Variants in MROH1 observed in about 807,000 individuals in gnomAD.
The protein encoded by MROH1 is maestro heat-like repeat-containing protein family member 1.
A neutral mutation model predicts 116.5 loss-of-function variants in MROH1; 117 were observed. The ratio of observed to expected loss-of-function variants is 1.00; its 90% CI spans 0.86 to 1.17. The LOEUF is 1.17. Ranked by LOEUF, MROH1 falls within the 50% of genes most tolerant of loss-of-function variation. The pLI is 0.00. For missense variants in MROH1, 1,873 were observed against 1,338.5 expected (o/e 1.40, Z -6.23); for synonymous variants, 921 against 583.9 (o/e 1.58, Z -8.32).
At chr8:144,258,626 G>C in intron 35 of MROH1, 151 bp from the exon 36 acceptor site, 1 of 656,958 alleles carries the variant, frequency 1.5e-6, no homozygotes, top group South Asian at 1.7e-5. Flanking sequence ...CTAGCAGATG[G>C]CCCAGAGCCT....
chr8:144,202,657 G>A, intron 12 of MROH1, among the ~76,000 whole-genome samples: 1 of 143,246 alleles, frequency 7.0e-6, no homozygotes, highest in African/African-American at 2.6e-5. Context: ...CTGTGGAGAG[G>A]CGGGGAGGGG....
chr8:144,148,673 G>T (rs1815998515), intron 1 of MROH1: 2 of 152,832 alleles, frequency 1.3e-5, no homozygotes, highest in Non-Finnish European at 2.9e-5. Flanking sequence ...CGGGCATAGC[G>T]CTGGCAGGGC....
chr8:144,169,167 G>A (rs1010031701), intron 4 of MROH1, among the ~76,000 whole-genome samples: 1 of 152,240 alleles, frequency 6.6e-6, no homozygotes, highest in Non-Finnish European at 1.5e-5. Flanking sequence ...TTCTCTGTGT[G>A]TGTGGTTTGG....
rs1279416533 is a variant in MROH1 at position 144,163,131 on chromosome 8, G to T, written c.-56-640G>T. On this transcript the variant is annotated intron_variant, in intron 2 of 43. Coordinates refer to ENST00000326134, the MANE Select transcript of MROH1 (RefSeq NM_032450.3). The surrounding 1 kb of genome is among the most constrained non-coding windows in gnomAD (Gnocchi z 4.4). ...GGTGTCTCTCCTTCATTTTTCTCTG[G>T]AGTATGTTAGCAAGGAATGGTGGAT... is the stretch of plus-strand genomic sequence containing the variant. Among the ~76,000 whole-genome samples the T allele has an allele frequency of 1.3e-5, 2 of 152,160 alleles. No individual in the cohort carries two copies. The highest frequency in any genetic ancestry group is 4.8e-5 in the African/African-American group (2 of 41,430).
chr8:144,236,028 C>T (rs1260811923), intron 14 of MROH1, among the ~76,000 whole-genome samples: 3 of 152,224 alleles, frequency 2.0e-5, no homozygotes, highest in East Asian at 3.8e-4. Flanking sequence ...TGCACTTCCT[C>T]GGTCATCCCA....
intron 4 of MROH1, among the ~76,000 whole-genome samples, chr8:144,171,502 G>A (rs1156594992): frequency 1.3e-5 from 2 of 152,152 alleles, no homozygotes; most frequent in East Asian, 3.9e-4. Flanking sequence ...GCTCACTTGA[G>A]GCATTCTTCC....
At chr8:144,154,282 G>A (rs1180155033) in intron 1 of MROH1, among the ~76,000 whole-genome samples, 1 of 152,088 alleles carries the variant, frequency 6.6e-6, no homozygotes, top group African/African-American at 2.4e-5. Flanking sequence ...TGGTCAGGCT[G>A]GTCTCAAACT....
At chr8:144,239,787 C>T in intron 18 of MROH1, 32 bp downstream of exon 18, 1 of 715,922 alleles carries the variant, frequency 1.4e-6, no homozygotes, top group Admixed American at 2.0e-5. Flanking sequence ...GGTGCATAGC[C>T]CTGTGGGGAG....
At chr8:144,198,092 C>T (rs1457889321) in intron 10 of MROH1, among the ~76,000 whole-genome samples, 1 of 151,760 alleles carries the variant, frequency 6.6e-6, no homozygotes, top group Admixed American at 6.6e-5. Context: ...CAAGGAGCTA[C>T]CTGGGAACGT....
intron 10 of MROH1, 106 bp downstream of exon 10, chr8:144,192,507 C>A (rs1446206056): frequency 5.3e-6 from 5 of 946,376 alleles, no homozygotes; most frequent in Non-Finnish European, 8.2e-6. Flanking sequence ...GGCTCAGCCA[C>A]GTGGGGCTGA....
chr8:144,207,660 C>T (rs2132026831), intron 12 of MROH1, among the ~76,000 whole-genome samples: 1 of 152,268 alleles, frequency 6.6e-6, no homozygotes, highest in South Asian at 2.1e-4. Context: ...AGTGCACTAC[C>T]ATGCCCAGCT....
At chr8:144,211,847 C>T (rs971855025) in intron 12 of MROH1, among the ~76,000 whole-genome samples, 6 of 152,078 alleles carry the variant, frequency 3.9e-5, no homozygotes, top group African/African-American at 1.4e-4. Context: ...TTTGGAAGGA[C>T]GCATTTGATG....
rs1350623881 is a variant in MROH1 at position 144,260,315 on chromosome 8, T to G, written c.4321T>G (p.Trp1441Gly). 2.4e-5 allele frequency: 18 copies of G among 747,638 alleles called. No individual in the cohort carries two copies. The highest frequency in any genetic ancestry group is 3.4e-5 in the Non-Finnish European group (14 of 407,780). The allele number at this position is 747,638 out of a possible 1,614,324, so 46.3% of individuals were successfully genotyped here. Reference sequence around the variant, plus strand: ...GAGGCTGGTGCACCTGGTGGAGTCCTGGGACCTGCGCTCAGGGCTGCTGCA... The same window carrying G: ...GAGGCTGGTGCACCTGGTGGAGTCCGGGGACCTGCGCTCAGGGCTGCTGCA... Reference protein sequence around the residue: ...LARLVHLVESWDLRSGLLHVA... With the variant: ...LARLVHLVESGDLRSGLLHVA... The change falls in exon 39 of 44, where the codon TGG (tryptophan) becomes GGG (glycine). Residue 1441 changes from tryptophan to glycine, a missense_variant. Physicochemically the swap from Trp to Gly is radical, Grantham distance 184 (BLOSUM62 -2). Coordinates refer to ENST00000326134, the MANE Select transcript of MROH1 (RefSeq NM_032450.3).
At chr8:144,216,127 C>G (rs1335458472) in intron 12 of MROH1, among the ~76,000 whole-genome samples, 1 of 151,394 alleles carries the variant, frequency 6.6e-6, no homozygotes, top group African/African-American at 2.4e-5. Flanking sequence ...TGCAGTGAGC[C>G]AAGATTGCAC....
At chr8:144,160,446 CTACAA>C (rs1306563463) in intron 1 of MROH1, among the ~76,000 whole-genome samples, 2 of 152,214 alleles carry the variant, frequency 1.3e-5, no homozygotes. Context: ...GTTTGTTCTC[CTACAA>C]GGCATTTGTC....
Position 144,261,376 on chromosome 8 carries a change from C to T in MROH1, c.4840+27C>T, listed in dbSNP as rs1019038837. The T allele has an allele frequency of 3.4e-5, 24 of 701,168 alleles. 1 individual carries two copies. Among genetic ancestry groups the T allele is most frequent in the Admixed American group, 8.0e-5 (4 of 50,076 alleles). The allele number at this position is 701,168 out of a possible 1,614,324, so 43.4% of individuals were successfully genotyped here. A position where few individuals can be genotyped will look rare whatever the true frequency, so the allele number is the denominator to read the frequency against. ...TGAGCACCCCTCCACGGGGCCCCTC[C>T]GCTGGGCCCTGCTGACCCTGTAGGC... On this transcript the variant is annotated intron_variant, in intron 43 of 43. Transcript: ENST00000326134.
Position 144,223,103 on chromosome 8 carries a change from GGCAGGTGAAGCGGGCAGTGGT to G in MROH1, c.1220_1240del (p.Lys407_Val413del). On this transcript the variant is annotated splice_acceptor_variant and splice_polypyrimidine_tract_variant and coding_sequence_variant and intron_variant, in exon 14 of 44. Coordinates refer to ENST00000326134, the MANE Select transcript of MROH1 (RefSeq NM_032450.3). LOFTEE classifies it high-confidence loss of function. Reference sequence around the variant, plus strand: ...TTCCTGATCTCCCATTTGTTCTCTGGGCAGGTGAAGCGGGCAGTGGTGCAGGTGATTAGCGCCATGGCCCAC... The same window carrying G: ...TTCCTGATCTCCCATTTGTTCTCTGGGCAGGTGATTAGCGCCATGGCCCAC... 1.9e-6 allele frequency: 3 copies of G among 1,613,278 alleles called. No individual in the cohort carries two copies. Among genetic ancestry groups the G allele is most frequent in the Non-Finnish European group, 2.5e-6 (3 of 1,179,622 alleles).
intron 39 of MROH1, 133 bp from the exon 40 acceptor site, chr8:144,260,544 C>A: frequency 1.3e-6 from 1 of 749,522 alleles, no homozygotes; most frequent in South Asian, 1.4e-5. Flanking sequence ...AGCCCCCACC[C>A]GTAAGGCCCC....
In MROH1 at chr8:144,247,342, C is replaced by T; in HGVS notation, c.2913C>T (p.Leu971=). 1 of 773,486 alleles carries T rather than the reference C, an allele frequency of 1.3e-6. No individual in the cohort carries two copies. Among genetic ancestry groups the T allele is most frequent in the Non-Finnish European group, 2.4e-6 (1 of 415,646 alleles). 47.9% of individuals were successfully genotyped at this position (773,486 alleles called of 1,614,324 possible). A position where few individuals can be genotyped will look rare whatever the true frequency, so the allele number is the denominator to read the frequency against. The change falls in exon 30 of 44, where the codon CTC becomes CTT. Residue 971 remains leucine, a synonymous_variant. Transcript: ENST00000326134. ...ACAACCTGGGCCTTCTCATCGGCCT[C>T]TTCTCCCCACGGTGTGCGGACCTGT... ...PFHNLGLLIG[L]FSPRCADLWP... is the part of the protein sequence containing the mutation.
Sources: gnomAD v4.1 joint callset for allele counts (sites outside exome capture counted in the v4.1 genomes callset) on GRCh38, gnomAD v4.1.1 for gene constraint, Gnocchi (gnomAD v3.1) non-coding constraint, MANE v1.5 for transcripts, NCBI Gene and HGNC (gene_info 2026-07-23, HGNC 2026-07-21) for gene names.